Variants in RAD51B observed in about 807,000 individuals in gnomAD.
RAD51B encodes the protein RAD51 paralog B.
RAD51B carries 38 observed loss-of-function variants against 42.2 expected under a neutral mutation model. The ratio of observed to expected loss-of-function variants is 0.90; its 90% CI spans 0.70 to 1.18. The LOEUF is 1.18. RAD51B is among the 50% of genes most tolerant of loss of function. The pLI, the probability that RAD51B is intolerant of heterozygous loss-of-function variation, is 0.00. For synonymous variants in RAD51B, 154 were observed against 145.2 expected (o/e 1.06, Z -0.43); for missense variants, 373 against 400.7 (o/e 0.93, Z 0.59).
intron 4 of RAD51B, 160 bp from the exon 5 acceptor site, chr14:67,864,843 A>G: frequency 8.5e-7 from 1 of 1,175,546 alleles, no homozygotes; most frequent in Non-Finnish European, 1.2e-6. Flanking sequence ...AATTCATTCC[A>G]TACAATGGAT....
chr14:68,157,134 C>A (rs2588823), intron 7 of RAD51B, among the ~76,000 whole-genome samples: 120,943 of 152,106 alleles, frequency 0.8, 48,565 homozygotes, highest in East Asian at 0.98. Flanking sequence ...GTGGTTGAGT[C>A]AGCAGTGAAC....
intron 7 of RAD51B, among the ~76,000 whole-genome samples, chr14:68,059,858 A>G (rs771608415): frequency 4.6e-5 from 7 of 152,224 alleles, no homozygotes; most frequent in Non-Finnish European, 1.0e-4. Flanking sequence ...CTGAATTATA[A>G]ATCCTGTATT....
chr14:68,403,279 G>C (rs529725430), intron 8 of RAD51B, among the ~76,000 whole-genome samples: 1 of 150,866 alleles, frequency 6.6e-6, no homozygotes, highest in African/African-American at 2.4e-5. Flanking sequence ...CTTCCCCTCT[G>C]TTCCTATTTT....
intron 10 of RAD51B, among the ~76,000 whole-genome samples, chr14:68,519,440 C>T (rs11624164): frequency 0.18 from 27,385 of 152,124 alleles, 3,154 homozygotes; most frequent in Non-Finnish European, 0.26. Context: ...AAAGAGTGGG[C>T]GTGCATCTGA....
At chr14:68,127,144 C>G (rs915303799) in intron 7 of RAD51B, among the ~76,000 whole-genome samples, 3 of 152,088 alleles carry the variant, frequency 2.0e-5, no homozygotes, top group Admixed American at 2.0e-4. Context: ...ATTTTTTCAT[C>G]TCTCTCCCTA....
chr14:68,215,838 G>T (rs557217514), intron 7 of RAD51B, among the ~76,000 whole-genome samples: 17 of 152,150 alleles, frequency 1.1e-4, no homozygotes, highest in Admixed American at 1.3e-4. Context: ...AAGCTGAGCC[G>T]AATTTTGCTT....
intron 9 of RAD51B, among the ~76,000 whole-genome samples, chr14:68,431,280 A>T (rs12893412): frequency 0.14 from 21,079 of 152,214 alleles, 1,765 homozygotes; most frequent in East Asian, 0.46. Context: ...TGAGTTAGGG[A>T]GGATTCCCTC....
chr14:68,310,395 G>A (rs2081946663), intron 8 of RAD51B, among the ~76,000 whole-genome samples: 2 of 152,054 alleles, frequency 1.3e-5, no homozygotes, highest in South Asian at 4.1e-4. Flanking sequence ...TTCCTTCTCT[G>A]TGCTTGTGTT....
In RAD51B at chr14:68,291,863, C is replaced by G. The variant is rs201925975; in HGVS notation, c.757-21C>G. On this transcript the variant is annotated intron_variant, in intron 7 of 10. Coordinates refer to ENST00000471583, the MANE Select transcript of RAD51B (RefSeq NM_133510.4). ...CTTTCTTCTCCCTTGCCCCCTACCC[C>G]TTCTCCCTGTCTGTTCACAGGTTAT... is the stretch of plus-strand genomic sequence containing the variant. 5 of 1,586,800 alleles carry G rather than the reference C, an allele frequency of 3.2e-6. No individual in the cohort carries two copies. In the East Asian group the frequency reaches 9.0e-5, roughly 28 times the overall value.
intron 10 of RAD51B, among the ~76,000 whole-genome samples, chr14:68,640,734 A>G (rs534569093): frequency 6.6e-6 from 1 of 152,352 alleles, no homozygotes; most frequent in Admixed American, 6.5e-5. Context: ...TTCCACAACT[A>G]AGGAAATATC....
chr14:68,448,234 G>C (rs1386429073), intron 9 of RAD51B, among the ~76,000 whole-genome samples: 1 of 152,220 alleles, frequency 6.6e-6, no homozygotes, highest in East Asian at 1.9e-4. Context: ...TTGTCTGACA[G>C]AGAAAACTCA....
chr14:67,925,461 C>T lies in RAD51B; in HGVS notation c.756+38257C>T, dbSNP rs375154234. 7.2e-5 allele frequency among the ~76,000 whole-genome samples: 11 copies of T among 152,086 alleles called. No homozygotes were observed. In the South Asian group the frequency reaches 8.3e-4, roughly 11 times the overall value. The stretch of plus-strand genomic sequence containing the variant: ...CTAATTTTTGTATTTTTAGTAGAGA[C>T]GGGGTTTCACCATATTGGCCAGGTT... On this transcript the variant is annotated intron_variant, in intron 7 of 10. Transcript: ENST00000471583.
Position 68,306,757 on chromosome 14 carries a change from C to T in RAD51B, c.853+14777C>T, listed in dbSNP as rs546421790. 17 of 370,556 alleles carry T rather than the reference C, an allele frequency of 4.6e-5. 1 individual carries two copies. Among genetic ancestry groups the T allele is most frequent in the South Asian group, 1.3e-4 (6 of 45,678 alleles). 23.0% of individuals were successfully genotyped at this position (370,556 alleles called of 1,614,324 possible). ...CTTTCAGAAGATGAACTTGCATGGC[C>T]GAAGTGAGATTCCAGTGGGAAAGAC... On this transcript the variant is annotated intron_variant, in intron 8 of 10. Coordinates refer to ENST00000471583, the MANE Select transcript of RAD51B (RefSeq NM_133510.4).
At chr14:68,163,906 A>G (rs1444827621) in intron 7 of RAD51B, among the ~76,000 whole-genome samples, 1 of 152,202 alleles carries the variant, frequency 6.6e-6, no homozygotes, top group Non-Finnish European at 1.5e-5. Flanking sequence ...TATTTATGAA[A>G]AAGTTGAAAA....
In RAD51B at chr14:68,540,716, AG is replaced by A. The variant is rs1887918247; in HGVS notation, c.1037-53766del. ...CTCTCTAGCCAACCAAAAGAAAGAG[AG>A]GGTGGGTTTAAGGGTAGTGAGGGAC... is the stretch of plus-strand genomic sequence containing the variant. On this transcript the variant is annotated intron_variant, in intron 10 of 10. Transcript: ENST00000487270. The A allele has an allele frequency of 3.0e-6, 3 of 985,264 alleles. No homozygotes were observed. The African/African-American group carries it at 5.2e-5, about 17-fold the overall frequency. 61.0% of individuals were successfully genotyped at this position (985,264 alleles called of 1,614,324 possible).
intron 7 of RAD51B, among the ~76,000 whole-genome samples, chr14:67,893,491 CACACACACACACACACACAA>C (rs1386530332): frequency 6.5e-5 from 5 of 76,752 alleles, no homozygotes; most frequent in Non-Finnish European, 1.3e-4. Flanking sequence ...CACACACACA[CACACACACACACACACACAA>C]AAAAAAACAA....
chr14:68,583,684 G>A (rs1258564509), intron 10 of RAD51B, among the ~76,000 whole-genome samples: 3 of 152,158 alleles, frequency 2.0e-5, no homozygotes, highest in Non-Finnish European at 2.9e-5. Context: ...GCTCACATGT[G>A]CAAGCTCCGC....
intron 8 of RAD51B, among the ~76,000 whole-genome samples, chr14:68,370,139 G>A (rs2139945264): frequency 6.6e-6 from 1 of 152,250 alleles, no homozygotes; most frequent in East Asian, 1.9e-4. Context: ...TCATCACCAA[G>A]GTCTGATTTT....
intron 8 of RAD51B, among the ~76,000 whole-genome samples, chr14:68,330,636 C>T (rs2082329399): frequency 6.6e-6 from 1 of 152,142 alleles, no homozygotes; most frequent in African/African-American, 2.4e-5. Flanking sequence ...TTCCAACATT[C>T]ATAACATGCC....
Sources: gnomAD v4.1 joint callset for allele counts (sites outside exome capture counted in the v4.1 genomes callset) on GRCh38, gnomAD v4.1.1 for gene constraint, MANE v1.5 for transcripts, NCBI Gene and HGNC (gene_info 2026-07-23, HGNC 2026-07-21) for gene names.